GOSR2: variants seen among roughly 807,000 people sequenced by gnomAD.
GOSR2 encodes 27 kDa Golgi SNARE protein.
A neutral mutation model predicts 27.9 loss-of-function variants in GOSR2; 20 were observed. That is an observed-to-expected ratio of 0.72 (90% CI 0.50 to 1.04). The LOEUF (loss-of-function observed/expected upper bound fraction) is 1.04, where lower values mean the gene tolerates loss of function less well. GOSR2 is among the 50% of genes least tolerant of loss of function. The pLI, the probability that GOSR2 is intolerant of heterozygous loss-of-function variation, is 0.00. For missense variants in GOSR2, 261 were observed against 270.5 expected, an observed-to-expected ratio of 0.97 and a Z score of 0.25; for synonymous variants, 91 against 98.8, an observed-to-expected ratio of 0.92 and a Z score of 0.47.
At chr17:46,959,311 T>C (rs1014248366) in intron 6 of GOSR2, among the ~76,000 whole-genome samples, 1 of 152,240 alleles carries the variant, frequency 6.6e-6, no homozygotes, top group Admixed American at 6.5e-5. Flanking sequence ...CATTCTGCTT[T>C]CTTTTTGGAG....
At chr17:46,942,375 C>T (rs898285204), downstream of GOSR2, among the ~76,000 whole-genome samples, 1 of 152,218 alleles carries the variant, frequency 6.6e-6, no homozygotes, top group African/African-American at 2.4e-5. Context: ...TGTTCTCCAT[C>T]ATTTATCCTC....
At chr17:46,945,092 T>C (rs1231687934), downstream of GOSR2, among the ~76,000 whole-genome samples, 1 of 152,136 alleles carries the variant, frequency 6.6e-6, no homozygotes. Context: ...GGAAGAGCTT[T>C]CTGTGAGAGG....
chr17:46,952,928 C>T (rs747753216), intron 6 of GOSR2: 1 of 152,176 alleles, frequency 6.6e-6, no homozygotes, highest in African/African-American at 2.4e-5. Context: ...TCTGTTCTCT[C>T]CTCCCAAGAT....
chr17:46,966,801 C>A, exon 7 of GOSR2: 1 of 424,464 alleles, frequency 2.4e-6, no homozygotes, highest in Non-Finnish European at 4.2e-6. Context: ...TTGATGTGGC[C>A]GATGAGAAAA....
At chr17:46,971,074 G>A (rs954872501), downstream of GOSR2, among the ~76,000 whole-genome samples, 9 of 152,130 alleles carry the variant, frequency 5.9e-5, no homozygotes, top group African/African-American at 1.7e-4. Flanking sequence ...AACATAGGCC[G>A]GTGCGGTGGC....
intron 6 of GOSR2, among the ~76,000 whole-genome samples, chr17:46,956,117 C>T (rs2090691976): frequency 6.6e-6 from 1 of 151,982 alleles, no homozygotes; most frequent in African/African-American, 2.4e-5. Flanking sequence ...GCAGGAGGGT[C>T]CATCTTAACC....
At chr17:46,961,483 T>A (rs2091047349) in intron 6 of GOSR2, among the ~76,000 whole-genome samples, 1 of 152,098 alleles carries the variant, frequency 6.6e-6, no homozygotes, top group Non-Finnish European at 1.5e-5. Flanking sequence ...TGCAGTGAGC[T>A]ATGATCACGC....
chr17:46,930,852 A>AC, intron 2 of GOSR2: 1 of 454,208 alleles, frequency 2.2e-6, no homozygotes, highest in Non-Finnish European at 3.9e-6. Context: ...CTACAGATTT[A>AC]CCTTCAGCTT....
At chr17:46,947,950 A>G (rs2090046086) in intron 6 of GOSR2, among the ~76,000 whole-genome samples, 1 of 152,028 alleles carries the variant, frequency 6.6e-6, no homozygotes, top group African/African-American at 2.4e-5. Context: ...TCGTGTTTTT[A>G]CTAGAGACAG....
chr17:46,947,495 C>T (rs1407640431), intron 6 of GOSR2, among the ~76,000 whole-genome samples: 2 of 152,152 alleles, frequency 1.3e-5, no homozygotes, highest in Non-Finnish European at 2.9e-5. Context: ...GAGAAGCTGT[C>T]AGGCTGGTGT....
At chr17:46,967,842 AG>A (rs1012095496), downstream of GOSR2, among the ~76,000 whole-genome samples, 14 of 152,308 alleles carry the variant, frequency 9.2e-5, no homozygotes, top group East Asian at 2.5e-3. Context: ...TAGGGGGCCC[AG>A]AGACCATTTG....
chr17:46,939,453 C>G lies in GOSR2; in HGVS notation c.*693C>G, dbSNP rs1345551283. 2.0e-5 allele frequency: 20 copies of G among 987,126 alleles called. 1 individual carries two copies. In the Admixed American group the frequency reaches 1.1e-3, roughly 53 times the overall value. 61.1% of individuals were successfully genotyped at this position (987,126 alleles called of 1,614,324 possible). A position where few individuals can be genotyped will look rare whatever the true frequency, so the allele number is the denominator to read the frequency against. On this transcript the variant is annotated 3_prime_UTR_variant, in exon 6 of 6. Coordinates refer to ENST00000640051, the MANE Select transcript of GOSR2 (RefSeq NM_004287.5). ...TTTCCCGGGAGTGTTCAGTCTTGAC[C>G]CTAGTCACTGATTTTTTCTAGTTGT...
Position 46,940,400 on chromosome 17 carries a change from C to A in GOSR2, c.*1640C>A. The A allele has an allele frequency of 6.4e-7, 1 of 1,567,258 alleles. No homozygotes were observed. On this transcript the variant is annotated 3_prime_UTR_variant, in exon 6 of 6. Coordinates refer to ENST00000640051, the MANE Select transcript of GOSR2 (RefSeq NM_004287.5). ...TGGAGGGTGGACTGGGGGGTTGCAG[C>A]ATCTTTAGACCTAGATCTGTCTAAC...
intron 6 of GOSR2, among the ~76,000 whole-genome samples, chr17:46,957,239 A>G (rs1016000671): frequency 2.6e-5 from 4 of 152,160 alleles, no homozygotes; most frequent in African/African-American, 9.7e-5. Context: ...CAGGAGGTGG[A>G]GGTTGCAGTG....
At chr17:46,955,427 A>T (rs1261995055) in intron 6 of GOSR2, 1 of 152,096 alleles carries the variant, frequency 6.6e-6, no homozygotes, top group Non-Finnish European at 1.5e-5. Flanking sequence ...CCAGTATTTT[A>T]TTGAGGATTT....
At chr17:46,932,842 A>G in intron 4 of GOSR2, 1 of 153,478 alleles carries the variant, frequency 6.5e-6, no homozygotes. Flanking sequence ...CCTGCATAAT[A>G]TATTCCACTA....
chr17:46,923,871 G>A, intron 1 of GOSR2: 2 of 398,264 alleles, frequency 5.0e-6, no homozygotes, highest in Non-Finnish European at 8.8e-6. Flanking sequence ...ACGTAGTTGA[G>A]TATTAATGGG....
chr17:46,942,094 A>G (rs1038008418), downstream of GOSR2: 9 of 284,828 alleles, frequency 3.2e-5, no homozygotes, highest in Non-Finnish European at 4.7e-5. Flanking sequence ...AGGCACAAGA[A>G]CAAATCAAGT....
chr17:46,924,747 G>A (rs925572776), intron 1 of GOSR2, among the ~76,000 whole-genome samples: 1 of 152,140 alleles, frequency 6.6e-6, no homozygotes, highest in African/African-American at 2.4e-5. Context: ...AACGTTATAG[G>A]AAGGGACTTA....
Sources: gnomAD v4.1 joint callset for allele counts (sites outside exome capture counted in the v4.1 genomes callset) on GRCh38, gnomAD v4.1.1 for gene constraint, MANE v1.5 for transcripts, NCBI Gene and HGNC (gene_info 2026-07-23, HGNC 2026-07-21) for gene names.